PLXDC2: variants seen among roughly 807,000 people sequenced by gnomAD.
PLXDC2 encodes plexin domain containing 2, also known as plexin domain-containing protein 2.
PLXDC2 carries 40 observed loss-of-function variants against 68.9 expected under a neutral mutation model. The ratio of observed to expected loss-of-function variants is 0.58; its 90% CI spans 0.45 to 0.76. The LOEUF is 0.76. Among genes scored for constraint, PLXDC2 ranks in the 30% least tolerant of loss-of-function variants. PLXDC2 has a pLI of 0.00. For missense variants in PLXDC2, 644 were observed against 661.9 expected (o/e 0.97, Z 0.30); for synonymous variants, 243 against 234.2 (o/e 1.04, Z -0.34).
chr10:20,041,782 C>CT (rs1835687948), intron 2 of PLXDC2, among the ~76,000 whole-genome samples: 1 of 152,064 alleles, frequency 6.6e-6, no homozygotes, highest in Non-Finnish European at 1.5e-5. Flanking sequence ...TGTTTGGGTT[C>CT]TTAGTGAGGG....
chr10:19,881,223 C>T (rs369926956), intron 1 of PLXDC2, among the ~76,000 whole-genome samples: 104 of 152,078 alleles, frequency 6.8e-4, no homozygotes, highest in Non-Finnish European at 1.3e-3. Context: ...TCAATAGATT[C>T]CCCTGCCTCA....
chr10:20,144,937 T>C (rs1466746614), intron 5 of PLXDC2, among the ~76,000 whole-genome samples: 1 of 152,174 alleles, frequency 6.6e-6, no homozygotes, highest in African/African-American at 2.4e-5. Flanking sequence ...CTCTTAATAT[T>C]TGAATTTTAC....
intron 2 of PLXDC2, among the ~76,000 whole-genome samples, chr10:20,016,711 A>G (rs1589587964): frequency 6.6e-6 from 1 of 152,194 alleles, no homozygotes; most frequent in Non-Finnish European, 1.5e-5. Flanking sequence ...TCAATAACCT[A>G]TGCTGATCAA....
intron 1 of PLXDC2, among the ~76,000 whole-genome samples, chr10:19,984,756 G>C (rs529257870): frequency 6.6e-6 from 1 of 152,176 alleles, no homozygotes; most frequent in Non-Finnish European, 1.5e-5. Flanking sequence ...CTCTGATCTA[G>C]CTGCCTCAGT....
chr10:20,236,302 A>G (rs1399029078), intron 12 of PLXDC2, among the ~76,000 whole-genome samples: 1 of 151,922 alleles, frequency 6.6e-6, no homozygotes, highest in African/African-American at 2.4e-5. Context: ...AAAGTTAGCC[A>G]GGAATGGTGG....
At chr10:20,011,909 A>C (rs1407515057) in intron 2 of PLXDC2, among the ~76,000 whole-genome samples, 1 of 152,208 alleles carries the variant, frequency 6.6e-6, no homozygotes, top group African/African-American at 2.4e-5. Context: ...TTATTTTATC[A>C]TACAAATTAA....
Position 20,245,662 on chromosome 10 carries a change from C to T in PLXDC2, c.1473+157C>T, listed in dbSNP as rs552362530. ...ATGGATGTTGTCCCCCATGCACTCA[C>T]GTACATATTGATAGATTGCTTTCAG... On this transcript the variant is annotated intron_variant, in intron 13 of 13. Coordinates refer to ENST00000377252, the MANE Select transcript of PLXDC2 (RefSeq NM_032812.9). 2.0e-5 allele frequency among the ~76,000 whole-genome samples: 3 copies of T among 152,300 alleles called. No homozygotes were observed. In the South Asian group the frequency reaches 6.2e-4, roughly 32 times the overall value.
chr10:20,261,255 A>C (rs1343326907), intron 13 of PLXDC2, among the ~76,000 whole-genome samples: 3 of 152,180 alleles, frequency 2.0e-5, no homozygotes, highest in Admixed American at 6.5e-5. Context: ...ATATTCAAAA[A>C]ATTATTTCAT....
chr10:20,074,702 C>T (rs1013017221), intron 4 of PLXDC2, among the ~76,000 whole-genome samples: 2 of 152,024 alleles, frequency 1.3e-5, no homozygotes, highest in African/African-American at 2.4e-5. Context: ...TGATTAATAA[C>T]AGGAATAAAA....
rs140606789 is a variant in PLXDC2 at position 20,255,513 on chromosome 10, T to A, written c.1473+10008T>A. Among the ~76,000 whole-genome samples, 498 of 152,272 alleles carry A rather than the reference T, an allele frequency of 3.3e-3. 5 individuals carry two copies. Among genetic ancestry groups the A allele is most frequent in the African/African-American group, 0.011 (459 of 41,566 alleles). ...ATTGTGAAAACAAATAATAAAAACTTTAATTTTAGCAATAATTAGTGCTTC... is the reference window on the plus strand; with the variant it reads ...ATTGTGAAAACAAATAATAAAAACTATAATTTTAGCAATAATTAGTGCTTC... On this transcript the variant is annotated intron_variant, in intron 13 of 13. Transcript: ENST00000377252.
chr10:20,200,537 G>T (rs898100567), intron 9 of PLXDC2, among the ~76,000 whole-genome samples: 1 of 151,808 alleles, frequency 6.6e-6, no homozygotes, highest in African/African-American at 2.4e-5. Flanking sequence ...ATAAACAATT[G>T]GCATTGCAAC....
At chr10:20,207,210 C>G (rs1373660856) in intron 9 of PLXDC2, among the ~76,000 whole-genome samples, 2 of 152,078 alleles carry the variant, frequency 1.3e-5, no homozygotes, top group Admixed American at 6.6e-5. Flanking sequence ...ATAAGAAATT[C>G]TTGTCTTAAA....
chr10:20,144,532 G>T (rs1834048069), intron 5 of PLXDC2, among the ~76,000 whole-genome samples: 1 of 152,130 alleles, frequency 6.6e-6, no homozygotes, highest in African/African-American at 2.4e-5. Context: ...CTAAGTGTTA[G>T]CTGCAATAAT....
rs564562725 is a variant in PLXDC2, at chr10:19,984,571, G to T, written c.113-17204G>T. Among the ~76,000 whole-genome samples, 21 of 152,306 alleles carry T rather than the reference G, an allele frequency of 1.4e-4. No homozygotes were observed. In the South Asian group the frequency reaches 4.1e-3, roughly 30 times the overall value. ...TTGTGCATTAATTTATTCTAGAAGG[G>T]ATGCAGGATTATTACTTTTGAGTGG... is the stretch of plus-strand genomic sequence containing the variant. On this transcript the variant is annotated intron_variant, in intron 1 of 13. Transcript: ENST00000377252.
chr10:19,845,669 C>T (rs1836994911), intron 1 of PLXDC2, among the ~76,000 whole-genome samples: 2 of 152,316 alleles, frequency 1.3e-5, no homozygotes, highest in South Asian at 4.1e-4. Context: ...AGCTCCTTGA[C>T]TGCTCCTGCA....
chr10:19,930,518 G>A (rs1833610409), intron 1 of PLXDC2, among the ~76,000 whole-genome samples: 1 of 152,036 alleles, frequency 6.6e-6, no homozygotes, highest in Non-Finnish European at 1.5e-5. Context: ...AGGCATACTG[G>A]GCCTGTTCTA....
At chr10:19,984,521 C>T (rs11594436) in intron 1 of PLXDC2, among the ~76,000 whole-genome samples, 8,016 of 152,270 alleles carry the variant, frequency 0.053, 276 homozygotes, top group Middle Eastern at 0.092. Context: ...GAGAAAATTA[C>T]ATGTGTAGGG....
intron 1 of PLXDC2, among the ~76,000 whole-genome samples, chr10:19,913,831 T>C (rs183770904): frequency 1.8e-4 from 28 of 152,278 alleles, no homozygotes; most frequent in Non-Finnish European, 3.4e-4. Flanking sequence ...CATTTTGACC[T>C]AGACCATTTA....
chr10:20,183,115 A>G (rs1055811507), intron 9 of PLXDC2, among the ~76,000 whole-genome samples: 3 of 152,016 alleles, frequency 2.0e-5, no homozygotes, highest in African/African-American at 4.8e-5. Flanking sequence ...ATGAAAAGAA[A>G]TAAAGAGTTT....
Sources: allele counts gnomAD v4.1 joint callset (sites outside exome capture counted in the v4.1 genomes callset), GRCh38; gene constraint gnomAD v4.1.1; transcripts MANE v1.5; gene names NCBI Gene and HGNC (gene_info 2026-07-23, HGNC 2026-07-21).